Variants in ACVR1C observed in about 807,000 individuals in gnomAD.
ACVR1C encodes the protein activin A receptor type 1C.
In ACVR1C, 23 loss-of-function variants were observed where a neutral mutation model predicts 57.9. The ratio of observed to expected loss-of-function variants is 0.40; its 90% CI spans 0.29 to 0.56. The LOEUF is 0.56. ACVR1C is among the 20% of genes least tolerant of loss of function. ACVR1C has a pLI of 0.50. For missense variants in ACVR1C, 480 were observed against 607.9 expected, an observed-to-expected ratio of 0.79 and a Z score of 2.21; for synonymous variants, 214 against 215.3, an observed-to-expected ratio of 0.99 and a Z score of 0.05.
chr2:157,606,861 C>T (rs116650139), intron 1 of ACVR1C, among the ~76,000 whole-genome samples: 2,932 of 151,622 alleles, frequency 0.019, 95 homozygotes, highest in African/African-American at 0.067. Context: ...TGTTCTTTCA[C>T]AGTCTTAGCC....
chr2:157,611,098 A>G (rs940126611), intron 1 of ACVR1C, among the ~76,000 whole-genome samples: 1 of 152,010 alleles, frequency 6.6e-6, no homozygotes, highest in Admixed American at 6.6e-5. Flanking sequence ...TTGCTTTTTA[A>G]TGTTTCTTGT....
In ACVR1C at chr2:157,532,846, T is replaced by C. The variant is rs1245639862; in HGVS notation, c.*1072A>G. On this transcript the variant is annotated 3_prime_UTR_variant, in exon 9 of 9. Transcript: ENST00000243349. Reference sequence around the variant, plus strand: ...CCTTCCTTCCTCTTCCTTTTCTGTCTTTTCTTTCTAAGTGTGTATGTACAA... The same window carrying C: ...CCTTCCTTCCTCTTCCTTTTCTGTCCTTTCTTTCTAAGTGTGTATGTACAA... 1 of 152,204 alleles carries C rather than the reference T, an allele frequency of 6.6e-6. No individual in the cohort carries two copies. 9.4% of individuals were successfully genotyped at this position (152,204 alleles called of 1,614,324 possible). A position where few individuals can be genotyped will look rare whatever the true frequency, so the allele number is the denominator to read the frequency against.
In ACVR1C at chr2:157,565,016, T is replaced by TA. The variant is rs534321764; in HGVS notation, c.305-8685dup. Among the ~76,000 whole-genome samples the TA allele has an allele frequency of 1.4e-3, 211 of 152,062 alleles. 4 individuals are homozygous for TA. The South Asian group carries it at 0.043, about 31-fold the overall frequency. ...ACAAATAGCCAATGCATGCGGGGCT[T>TA]AAAACCTAGATAATGGGTTGATAGG... is the stretch of plus-strand genomic sequence containing the variant. On this transcript the variant is annotated intron_variant, in intron 2 of 8. Transcript: ENST00000243349.
intron 4 of ACVR1C, among the ~76,000 whole-genome samples, chr2:157,549,382 G>A (rs1397574302): frequency 6.6e-6 from 1 of 151,956 alleles, no homozygotes; most frequent in Non-Finnish European, 1.5e-5. Context: ...CAAACAAAAA[G>A]TTCCAATGAT....
chr2:157,598,219 T>A (rs1320180615), intron 1 of ACVR1C, among the ~76,000 whole-genome samples: 3 of 140,828 alleles, frequency 2.1e-5, no homozygotes, highest in African/African-American at 2.6e-5. Flanking sequence ...AAAAAAAGCA[T>A]CCTCTATTAC....
intron 3 of ACVR1C, among the ~76,000 whole-genome samples, chr2:157,555,280 G>A (rs938615878): frequency 7.9e-5 from 12 of 150,998 alleles, no homozygotes; most frequent in South Asian, 2.1e-4. Context: ...CACCGCGCCC[G>A]GCTAATTTTT....
At chr2:157,596,258 A>G (rs1682108010) in intron 1 of ACVR1C, among the ~76,000 whole-genome samples, 1 of 151,908 alleles carries the variant, frequency 6.6e-6, no homozygotes, top group Admixed American at 6.6e-5. Context: ...CCTTTGTCAT[A>G]TGTGTTACAT....
chr2:157,557,354 A>G (rs987957813), intron 2 of ACVR1C, among the ~76,000 whole-genome samples: 3 of 152,210 alleles, frequency 2.0e-5, no homozygotes, highest in African/African-American at 7.2e-5. Context: ...GAATAGGCCA[A>G]TTAGAAACCT....
chr2:157,566,724 T>C (rs1688395061), intron 2 of ACVR1C, among the ~76,000 whole-genome samples: 1 of 151,476 alleles, frequency 6.6e-6, no homozygotes. Flanking sequence ...CCAGGGAGTC[T>C]CGCTGATTGC....
chr2:157,598,050 A>G (rs1682180453), intron 1 of ACVR1C, among the ~76,000 whole-genome samples: 2 of 152,204 alleles, frequency 1.3e-5, no homozygotes, highest in South Asian at 2.1e-4. Flanking sequence ...TATTGGTCTT[A>G]TAGCTGTTAT....
chr2:157,554,408 G>A (rs1688040053), intron 3 of ACVR1C, among the ~76,000 whole-genome samples: 1 of 150,942 alleles, frequency 6.6e-6, no homozygotes, highest in African/African-American at 2.4e-5. Context: ...AGGAGATGAA[G>A]GAAGGAAGGA....
intron 2 of ACVR1C, among the ~76,000 whole-genome samples, chr2:157,566,512 C>T (rs1008587609): frequency 1.3e-5 from 2 of 152,184 alleles, no homozygotes; most frequent in African/African-American, 4.8e-5. Flanking sequence ...GCCCACCGTG[C>T]GCGAGCCGAA....
At chr2:157,601,820 GA>G (rs1558993581) in intron 1 of ACVR1C, among the ~76,000 whole-genome samples, 2 of 151,970 alleles carry the variant, frequency 1.3e-5, no homozygotes, top group Non-Finnish European at 2.9e-5. Context: ...ATGAAGTAGG[GA>G]TAATAATTCC....
chr2:157,580,183 C>A (rs1688756626), intron 2 of ACVR1C, among the ~76,000 whole-genome samples: 1 of 152,120 alleles, frequency 6.6e-6, no homozygotes, highest in Non-Finnish European at 1.5e-5. Flanking sequence ...TACATTTCTA[C>A]CCAATATTTA....
intron 2 of ACVR1C, among the ~76,000 whole-genome samples, chr2:157,561,628 G>A (rs1346027612): frequency 2.6e-5 from 4 of 152,172 alleles, no homozygotes; most frequent in African/African-American, 4.8e-5. Flanking sequence ...AAGCTAGCTC[G>A]TTTATTAGTT....
intron 2 of ACVR1C, among the ~76,000 whole-genome samples, chr2:157,561,400 TG>T (rs1688227425): frequency 6.6e-6 from 1 of 152,204 alleles, no homozygotes; most frequent in African/African-American, 2.4e-5. Flanking sequence ...TGCCTTTTGA[TG>T]GGTCTGTTTC....
At chr2:157,601,932 G>A (rs1250793120) in intron 1 of ACVR1C, among the ~76,000 whole-genome samples, 3 of 152,042 alleles carry the variant, frequency 2.0e-5, no homozygotes, top group African/African-American at 4.8e-5. Context: ...AAGAACACCC[G>A]AAAATTAAGC....
chr2:157,538,297 G>T (rs1275644636), intron 8 of ACVR1C, among the ~76,000 whole-genome samples: 2 of 152,202 alleles, frequency 1.3e-5, no homozygotes, highest in East Asian at 1.9e-4. Context: ...GAGAACAGGT[G>T]CCATGGAGAG....
At chr2:157,576,839 T>A (rs1475011301) in intron 2 of ACVR1C, among the ~76,000 whole-genome samples, 1 of 31,692 alleles carries the variant, frequency 3.2e-5, no homozygotes, top group Non-Finnish European at 6.7e-5. Context: ...AATTTTCTTT[T>A]TTTTTTTTTT....
Sources: gnomAD v4.1 joint callset for allele counts (sites outside exome capture counted in the v4.1 genomes callset) on GRCh38, gnomAD v4.1.1 for gene constraint, MANE v1.5 for transcripts, NCBI Gene and HGNC (gene_info 2026-07-23, HGNC 2026-07-21) for gene names.